The following LRRC27 variants were observed in gnomAD, a reference collection of about 807,000 sequenced individuals.
The protein encoded by LRRC27 is leucine-rich repeat-containing protein 27.
In LRRC27, 57 loss-of-function variants were observed where a neutral mutation model predicts 55.0. That is an observed-to-expected ratio of 1.04 (90% CI 0.84 to 1.29). The LOEUF (loss-of-function observed/expected upper bound fraction) is 1.29. Ranked by LOEUF, LRRC27 falls within the 50% of genes most tolerant of loss-of-function variation. The pLI, the probability that LRRC27 is intolerant of heterozygous loss-of-function variation, is 0.00. For missense variants in LRRC27, 721 were observed against 651.5 expected, an observed-to-expected ratio of 1.11 and a Z score of -1.16; for synonymous variants, 278 against 251.9, an observed-to-expected ratio of 1.10 and a Z score of -0.98.
intron 6 of LRRC27, chr10:132,351,377 C>G: frequency 2.0e-6 from 1 of 509,384 alleles, no homozygotes; most frequent in Admixed American, 3.1e-5. Flanking sequence ...AAGTAGCTGG[C>G]TGGCAGTGGG....
intron 6 of LRRC27, chr10:132,349,090 C>T (rs890616067): frequency 1.1e-5 from 16 of 1,435,476 alleles, no homozygotes; most frequent in South Asian, 2.4e-5. Context: ...TGTGTGCCTG[C>T]ATGTGGTGTG....
chr10:132,336,219 G>C (rs112354766), intron 2 of LRRC27, among the ~76,000 whole-genome samples: 6 of 152,178 alleles, frequency 3.9e-5, no homozygotes, highest in East Asian at 1.9e-4. Context: ...CTTGCCCTGG[G>C]GGGGGAAGAA....
chr10:132,375,323 T>C lies in LRRC27; in HGVS notation c.*81T>C, dbSNP rs2069321584. ...TTCCCGGGCGTCGCCTCCTGTGTGG[T>C]GCCGGAAGAGCGCCAGGTTCAGTGT... is the stretch of plus-strand genomic sequence containing the variant. On this transcript the variant is annotated 3_prime_UTR_variant, in exon 11 of 11. Transcript: ENST00000368614. 2.2e-6 allele frequency: 3 copies of C among 1,360,208 alleles called. No individual in the cohort carries two copies. Among genetic ancestry groups the C allele is most frequent in the African/African-American group, 1.5e-5 (1 of 68,558 alleles). The allele number at this position is 1,360,208 out of a possible 1,614,324, so 84.3% of individuals were successfully genotyped here.
upstream of LRRC27, chr10:132,330,465 A>G: frequency 1.4e-6 from 1 of 717,094 alleles, no homozygotes; most frequent in Non-Finnish European, 2.6e-6. Flanking sequence ...CTGAGAAGGT[A>G]CTGGTTGTGC....
chr10:132,364,420 T>TACATCTACCTCCACGCCCACACTC, intron 9 of LRRC27, among the ~76,000 whole-genome samples: 1 of 66,616 alleles, frequency 1.5e-5, no homozygotes, highest in African/African-American at 7.9e-5. Context: ...CACCCGCGCT[T>TACATCTACCTCCACGCCCACACTC]ACACCCACGC....
chr10:132,364,327 CAT>C (rs2068805151), intron 9 of LRRC27, among the ~76,000 whole-genome samples: 3 of 67,212 alleles, frequency 4.5e-5, no homozygotes, highest in Non-Finnish European at 9.9e-5. Flanking sequence ...ACACCACACC[CAT>C]GACCACACCC....
chr10:132,361,635 G>T, intron 9 of LRRC27, 60 bp downstream of exon 9: 1 of 1,248,118 alleles, frequency 8.0e-7, no homozygotes, highest in Non-Finnish European at 1.2e-6. Flanking sequence ...CCACGGGCAG[G>T]TGCTGTTGTT....
At chr10:132,333,259 A>G (rs2066910487) in intron 1 of LRRC27, among the ~76,000 whole-genome samples, 1 of 151,458 alleles carries the variant, frequency 6.6e-6, no homozygotes, top group South Asian at 2.1e-4. Context: ...TAAATCTTGG[A>G]ACTCCATTGT....
chr10:132,330,258 C>T (rs2066622549), upstream of LRRC27: 1 of 565,844 alleles, frequency 1.8e-6, no homozygotes, highest in Non-Finnish European at 3.2e-6. Flanking sequence ...AAACCTGAGG[C>T]AACAATAACA....
At chr10:132,360,660 C>T (rs1193609487) in intron 8 of LRRC27, among the ~76,000 whole-genome samples, 1 of 152,200 alleles carries the variant, frequency 6.6e-6, no homozygotes, top group Non-Finnish European at 1.5e-5. Context: ...AAGGGCTAGA[C>T]AAAGGCCCCG....
Position 132,351,690 on chromosome 10 carries a change from A to G in LRRC27, c.1010A>G (p.Glu337Gly). ...GCGATCCGAGCAAAAAGACTGGAAG[A>G]GAGCCGAGCGGCGGCGCTCCGAGAG... ...QMAIRAKRLE[E>G]SRAAALRELQ... is the part of the protein sequence containing the mutation. Residue 337 changes from glutamate to glycine, a missense_variant, in exon 7 of 11, where the codon GAG becomes GGG. Physicochemically the swap from Glu to Gly is moderately conservative, Grantham distance 98. Coordinates refer to ENST00000368614, the MANE Select transcript of LRRC27 (RefSeq NM_030626.3). 6.2e-7 allele frequency: 1 copy of G among 1,614,004 alleles called. No individual in the cohort carries two copies. The highest frequency in any genetic ancestry group is 8.5e-7 in the Non-Finnish European group (1 of 1,180,004).
At position 132,342,276 on chromosome 10, in the gene LRRC27, G is replaced by T. The variant is rs747604197; in HGVS notation, c.400+5G>T. On this transcript the variant is annotated splice_donor_5th_base_variant and intron_variant, in intron 4 of 10. Transcript: ENST00000368614. ...AAATGTTACCTGTGGAGCTGGGTAAGTATAAAATAATAAAAAGATGATTTT... is the reference window on the plus strand; with the variant it reads ...AAATGTTACCTGTGGAGCTGGGTAATTATAAAATAATAAAAAGATGATTTT... The T allele has an allele frequency of 6.7e-7, 1 of 1,498,716 alleles. No homozygotes were observed. The highest frequency in any genetic ancestry group is 2.2e-5 in the Admixed American group (1 of 45,790). The allele number at this position is 1,498,716 out of a possible 1,614,324, so 92.8% of individuals were successfully genotyped here.
rs776489147 is a variant in LRRC27 at position 132,365,404 on chromosome 10, C to T, written c.1290-20C>T. 2 of 1,613,002 alleles carry T rather than the reference C, an allele frequency of 1.2e-6. No individual in the cohort carries two copies. Among genetic ancestry groups the T allele is most frequent in the Admixed American group, 1.7e-5 (1 of 60,010 alleles). ...AGTAAATGTGTCAAGTCATTTCCCT[C>T]TTTGCCCTTTGTTTCTCAGTGCCCT... On this transcript the variant is annotated intron_variant, in intron 9 of 10. Transcript: ENST00000368614.
In LRRC27 at chr10:132,348,281, C is replaced by T. The variant is rs112727561; in HGVS notation, c.851C>T (p.Thr284Met). ...GACGTTCTGGGAGATCAGCTCTTGACGAGGGAATTACCTCCAAATCTCAAG... is the reference window on the plus strand; with the variant it reads ...GACGTTCTGGGAGATCAGCTCTTGATGAGGGAATTACCTCCAAATCTCAAG... The part of the protein sequence containing the change: ...KADVLGDQLL[T>M]RELPPNLKAA... Residue 284 changes from threonine to methionine, a missense_variant, in exon 6 of 11, where the codon ACG (threonine) becomes ATG (methionine). Transcript: ENST00000368614. This position sits in a 1 kb window ranked among gnomAD's most constrained non-coding sequence, Gnocchi z 4.2. 7.2e-5 allele frequency: 116 copies of T among 1,613,974 alleles called. No individual in the cohort carries two copies. Among genetic ancestry groups the T allele is most frequent in the Middle Eastern group, 1.6e-4 (1 of 6,062 alleles).
chr10:132,356,761 G>A (rs1282399563), intron 8 of LRRC27, among the ~76,000 whole-genome samples: 2 of 152,276 alleles, frequency 1.3e-5, no homozygotes. Flanking sequence ...CATGGGCCGT[G>A]GGCACAGGGT....
intron 5 of LRRC27, among the ~76,000 whole-genome samples, chr10:132,346,351 AT>A (rs1254651577): frequency 1.3e-5 from 2 of 152,182 alleles, no homozygotes; most frequent in Non-Finnish European, 2.9e-5. Flanking sequence ...TACTATGTAT[AT>A]TTTTAGTACT....
chr10:132,333,027 C>G (rs1197442328), intron 1 of LRRC27, among the ~76,000 whole-genome samples: 3 of 152,106 alleles, frequency 2.0e-5, no homozygotes, highest in Non-Finnish European at 4.4e-5. Flanking sequence ...GTCACTGGGT[C>G]AAAATGGTAA....
chr10:132,343,948 A>T (rs1380675827), intron 4 of LRRC27, among the ~76,000 whole-genome samples: 2 of 151,456 alleles, frequency 1.3e-5, no homozygotes, highest in Non-Finnish European at 2.9e-5. Flanking sequence ...CAAAGCCTCC[A>T]AGTTCACATA....
chr10:132,332,036 G>T (rs1288713491), upstream of LRRC27: 10 of 327,600 alleles, frequency 3.1e-5, no homozygotes, highest in South Asian at 7.4e-5. Flanking sequence ...CCCCGCCCCC[G>T]CACGCAGGCA....
Sources: gnomAD v4.1 joint callset for allele counts (sites outside exome capture counted in the v4.1 genomes callset) on GRCh38, gnomAD v4.1.1 for gene constraint, Gnocchi (gnomAD v3.1) non-coding constraint, MANE v1.5 for transcripts, NCBI Gene and HGNC (gene_info 2026-07-23, HGNC 2026-07-21) for gene names.